Variants in PAN3 observed in about 807,000 individuals in gnomAD.
The protein encoded by PAN3 is poly(A) specific ribonuclease subunit PAN3.
In PAN3, 19 loss-of-function variants were observed where a neutral mutation model predicts 96.2. The observed-to-expected ratio is 0.20, with a 90% CI of 0.14 to 0.29. The LOEUF (loss-of-function observed/expected upper bound fraction) is 0.29. Ranked by LOEUF, PAN3 falls within the 10% of genes least tolerant of loss-of-function variation. The probability of loss-of-function intolerance (pLI) is 1.00; values close to 1 mark genes in which losing one functional copy is unlikely to be tolerated. For synonymous variants in PAN3, 433 were observed against 406.6 expected (o/e 1.06, Z -0.78); for missense variants, 882 against 1,108.1 (o/e 0.80, Z 2.90).
chr13:28,187,134 C>T (rs1876582842), intron 4 of PAN3, among the ~76,000 whole-genome samples: 1 of 151,844 alleles, frequency 6.6e-6, no homozygotes, highest in African/African-American at 2.4e-5. Context: ...TGAGACCAGC[C>T]TGGGCAACAT....
At chr13:28,246,641 T>C (rs1392546603) in intron 6 of PAN3, among the ~76,000 whole-genome samples, 1 of 152,176 alleles carries the variant, frequency 6.6e-6, no homozygotes, top group African/African-American at 2.4e-5. Flanking sequence ...GAGATCTACT[T>C]TCTAAGCTTC....
At chr13:28,167,347 A>T (rs10162126) in intron 1 of PAN3, among the ~76,000 whole-genome samples, 7,517 of 151,542 alleles carry the variant, frequency 0.05, 283 homozygotes, top group South Asian at 0.15. Flanking sequence ...TTTAGTAGAG[A>T]TGGGGTTTCA....
At chr13:28,160,012 A>AC (rs1872705702) in intron 1 of PAN3, among the ~76,000 whole-genome samples, 1 of 151,602 alleles carries the variant, frequency 6.6e-6, no homozygotes, top group Non-Finnish European at 1.5e-5. Context: ...ATCTTGGCTC[A>AC]CTGCAACCTC....
intron 1 of PAN3, among the ~76,000 whole-genome samples, chr13:28,166,206 A>G (rs76825306): frequency 0.056 from 8,551 of 152,300 alleles, 313 homozygotes; most frequent in South Asian, 0.15. Flanking sequence ...AGCCTGTGAA[A>G]TCAGACAAGT....
chr13:28,202,392 A>G (rs1878827495), intron 5 of PAN3, among the ~76,000 whole-genome samples: 1 of 152,164 alleles, frequency 6.6e-6, no homozygotes, highest in South Asian at 2.1e-4. Context: ...ACGCATATAC[A>G]GCTTCTGAAT....
In PAN3 at chr13:28,168,578, G is replaced by C. The variant is rs545861836; in HGVS notation, c.431-5694G>C. Among the ~76,000 whole-genome samples, 3 of 152,262 alleles carry C rather than the reference G, an allele frequency of 2.0e-5. No individual in the cohort carries two copies. In the East Asian group the frequency reaches 5.8e-4, roughly 29 times the overall value. Reference sequence around the variant, plus strand: ...TACTAAAAATACAAAAATTAGCCAGGCATGGTGGCACATGCCTGTAATCCC... The same window carrying C: ...TACTAAAAATACAAAAATTAGCCAGCCATGGTGGCACATGCCTGTAATCCC... On this transcript the variant is annotated intron_variant, in intron 1 of 18. Coordinates refer to ENST00000380958, the MANE Select transcript of PAN3 (RefSeq NM_175854.8).
intron 4 of PAN3, among the ~76,000 whole-genome samples, chr13:28,181,398 T>C (rs961977820): frequency 6.7e-6 from 1 of 150,132 alleles, no homozygotes; most frequent in Non-Finnish European, 1.5e-5. Flanking sequence ...TAGTCACAGC[T>C]ACTCGGGAGG....
At chr13:28,235,074 A>T (rs1014074384) in intron 6 of PAN3, among the ~76,000 whole-genome samples, 2 of 152,088 alleles carry the variant, frequency 1.3e-5, no homozygotes, top group Non-Finnish European at 2.9e-5. Flanking sequence ...CTATAATCTC[A>T]CCTGTCATTC....
chr13:28,203,660 T>A (rs760082222), intron 5 of PAN3, among the ~76,000 whole-genome samples: 32 of 152,204 alleles, frequency 2.1e-4, no homozygotes, highest in Non-Finnish European at 4.3e-4. Flanking sequence ...GGGCTTATTT[T>A]GAAATGTTAG....
chr13:28,203,949 C>T (rs948323607), intron 5 of PAN3, among the ~76,000 whole-genome samples: 1 of 151,578 alleles, frequency 6.6e-6, no homozygotes, highest in East Asian at 1.9e-4. Context: ...GATACAGGCA[C>T]ACTCCACCAC....
At chr13:28,141,454 CTTTTTT>C (rs1171413517) in intron 1 of PAN3, among the ~76,000 whole-genome samples, 1 of 123,912 alleles carries the variant, frequency 8.1e-6, no homozygotes, top group Non-Finnish European at 1.7e-5. Context: ...TTTTCTTTTT[CTTTTTT>C]TCTTTTTTTT....
intron 6 of PAN3, among the ~76,000 whole-genome samples, chr13:28,253,312 T>C (rs539316490): frequency 2.0e-5 from 3 of 152,302 alleles, no homozygotes; most frequent in Admixed American, 6.5e-5. Context: ...AATTTAGTAC[T>C]GTATGTAGGC....
At chr13:28,228,102 A>G (rs1882190581) in intron 6 of PAN3, among the ~76,000 whole-genome samples, 1 of 152,214 alleles carries the variant, frequency 6.6e-6, no homozygotes, top group African/African-American at 2.4e-5. Context: ...AGTGATACCC[A>G]GAGCAATGTG....
At chr13:28,256,664 T>C in intron 7 of PAN3, 125 bp downstream of exon 7, 1 of 1,043,130 alleles carries the variant, frequency 9.6e-7, no homozygotes, top group Non-Finnish European at 1.4e-6. Context: ...TTTTCTAACT[T>C]AGATGAGAAG....
At chr13:28,284,888 G>A (rs1868789672) in intron 17 of PAN3, among the ~76,000 whole-genome samples, 1 of 152,050 alleles carries the variant, frequency 6.6e-6, no homozygotes, top group Admixed American at 6.5e-5. Context: ...TAAACCTGAT[G>A]GTTTCTTCAT....
chr13:28,280,376 TGG>T (rs1887371132), intron 15 of PAN3, 34 bp from the exon 16 acceptor site: 1 of 1,577,760 alleles, frequency 6.3e-7, no homozygotes, highest in South Asian at 1.2e-5. Context: ...AATTGCATGT[TGG>T]ACATCCAAGT....
chr13:28,163,914 T>C (rs1873207914), intron 1 of PAN3, among the ~76,000 whole-genome samples: 1 of 152,062 alleles, frequency 6.6e-6, no homozygotes. Flanking sequence ...TAATCCCCCT[T>C]TTCCTCTACT....
chr13:28,258,239 G>C (rs9554295), intron 7 of PAN3, among the ~76,000 whole-genome samples: 27,768 of 152,154 alleles, frequency 0.18, 3,747 homozygotes, highest in African/African-American at 0.37. Flanking sequence ...TTGAGATGCA[G>C]AGCAGAGCAG....
rs529275022 is a variant in PAN3, at chr13:28,237,258, T to C, written c.1000+16880T>C. Among the ~76,000 whole-genome samples, 11 of 152,292 alleles carry C rather than the reference T, an allele frequency of 7.2e-5. No individual in the cohort carries two copies. In the East Asian group the frequency reaches 1.9e-3, roughly 27 times the overall value. On this transcript the variant is annotated intron_variant, in intron 6 of 18. Coordinates refer to ENST00000380958, the MANE Select transcript of PAN3 (RefSeq NM_175854.8). ...TTTTAAAATCTTTTTAACAGTTTTATTTGCCATCAGCTTCACAGAGTTTGG... is the reference window on the plus strand; with the variant it reads ...TTTTAAAATCTTTTTAACAGTTTTACTTGCCATCAGCTTCACAGAGTTTGG...
Sources: gnomAD v4.1 joint callset for allele counts (sites outside exome capture counted in the v4.1 genomes callset) on GRCh38, gnomAD v4.1.1 for gene constraint, MANE v1.5 for transcripts, NCBI Gene and HGNC (gene_info 2026-07-23, HGNC 2026-07-21) for gene names.